Variants in GPC5 observed in about 807,000 individuals in gnomAD.
GPC5 encodes glypican 5.
A neutral mutation model predicts 53.9 loss-of-function variants in GPC5; 47 were observed. That is an observed-to-expected ratio of 0.87 (90% CI 0.69 to 1.11). The LOEUF (loss-of-function observed/expected upper bound fraction) is 1.11. Among genes scored for constraint, GPC5 ranks in the 50% most tolerant of loss-of-function variants. GPC5 has a pLI of 0.00. For synonymous variants in GPC5, 286 were observed against 263.3 expected (o/e 1.09, Z -0.84); for missense variants, 748 against 713.1 (o/e 1.05, Z -0.56).
chr13:91,918,187 C>T (rs554554543), intron 6 of GPC5, among the ~76,000 whole-genome samples: 2 of 152,056 alleles, frequency 1.3e-5, no homozygotes, highest in South Asian at 2.1e-4. Context: ...CTTTTAATGC[C>T]ATCAGACCCA....
chr13:92,754,843 AC>A (rs1874785315), intron 7 of GPC5, among the ~76,000 whole-genome samples: 1 of 144,148 alleles, frequency 6.9e-6, no homozygotes, highest in African/African-American at 2.6e-5. Flanking sequence ...GTCCAGAGTG[AC>A]CTACAAAGAG....
At chr13:92,064,768 A>AAAAAAAAAAAAAAAAAAAAAG (rs71113789) in intron 6 of GPC5, among the ~76,000 whole-genome samples, 5 of 145,292 alleles carry the variant, frequency 3.4e-5, no homozygotes, top group African/African-American at 1.3e-4. Context: ...AAAAAAAAAA[A>AAAAAAAAAAAAAAAAAAAAAG]CAAAACAAAA....
At chr13:91,571,738 T>A (rs1314512791) in intron 2 of GPC5, among the ~76,000 whole-genome samples, 2 of 148,050 alleles carry the variant, frequency 1.4e-5, no homozygotes, top group East Asian at 4.0e-4. Context: ...TATATATATA[T>A]GTATATATAC....
intron 5 of GPC5, among the ~76,000 whole-genome samples, chr13:91,846,412 C>A (rs1170874493): frequency 6.6e-6 from 1 of 152,004 alleles, no homozygotes; most frequent in East Asian, 1.9e-4. Context: ...TTTTATTGAA[C>A]TTTTTATTCT....
chr13:91,775,124 C>T (rs923513904), intron 5 of GPC5, among the ~76,000 whole-genome samples: 4 of 152,122 alleles, frequency 2.6e-5, no homozygotes, highest in African/African-American at 7.2e-5. Context: ...TAAAGATTGT[C>T]AGGAGATGGG....
intron 7 of GPC5, among the ~76,000 whole-genome samples, chr13:92,494,259 T>G (rs1424956851): frequency 6.6e-6 from 1 of 152,172 alleles, no homozygotes; most frequent in Non-Finnish European, 1.5e-5. Flanking sequence ...CCGGCTAATT[T>G]TTTGTATCTT....
intron 7 of GPC5, among the ~76,000 whole-genome samples, chr13:92,554,300 A>C (rs997475103): frequency 1.3e-5 from 2 of 151,962 alleles, no homozygotes; most frequent in Non-Finnish European, 2.9e-5. Context: ...CTTTTCATTC[A>C]GTGAAATTTT....
At chr13:91,437,734 G>A (rs528295509) in intron 1 of GPC5, among the ~76,000 whole-genome samples, 1 of 152,272 alleles carries the variant, frequency 6.6e-6, no homozygotes, top group Non-Finnish European at 1.5e-5. Context: ...AGTTCTCCTG[G>A]ATAATATCCT....
At chr13:92,036,929 A>C (rs2040897763) in intron 6 of GPC5, among the ~76,000 whole-genome samples, 1 of 152,182 alleles carries the variant, frequency 6.6e-6, no homozygotes, top group Admixed American at 6.5e-5. Context: ...CCAACTTAAA[A>C]TACTATAGTA....
rs533188020 is a variant in GPC5 at position 92,174,337 on chromosome 13, C to T, written c.1561+29348C>T. On this transcript the variant is annotated intron_variant, in intron 7 of 7. Coordinates refer to ENST00000377067, the MANE Select transcript of GPC5 (RefSeq NM_004466.6). ...GAAATTGAGACCATCCTGGCTAACA[C>T]GGTGAAACCCTGTCTCTACTAAAAA... Among the ~76,000 whole-genome samples, 488 of 146,972 alleles carry T rather than the reference C, an allele frequency of 3.3e-3. 1 individual carries two copies. The highest frequency in any genetic ancestry group is 9.0e-3 in the South Asian group (41 of 4,570).
chr13:92,317,067 C>A (rs1006253871), intron 7 of GPC5, among the ~76,000 whole-genome samples: 4 of 152,094 alleles, frequency 2.6e-5, no homozygotes, highest in African/African-American at 4.8e-5. Context: ...TTCATAAATT[C>A]TCATATTTCT....
At chr13:91,730,693 C>A (rs554412317) in intron 4 of GPC5, among the ~76,000 whole-genome samples, 24 of 152,302 alleles carry the variant, frequency 1.6e-4, no homozygotes, top group Non-Finnish European at 3.2e-4. Flanking sequence ...GAGTAAGCAA[C>A]AGAGCCTTTT....
chr13:92,654,020 C>G, intron 7 of GPC5, among the ~76,000 whole-genome samples: 1 of 152,206 alleles, frequency 6.6e-6, no homozygotes, highest in Non-Finnish European at 1.5e-5. Flanking sequence ...CACTATCCCC[C>G]ACAAATAGAA....
intron 7 of GPC5, among the ~76,000 whole-genome samples, chr13:92,331,985 C>A (rs2043291161): frequency 1.3e-5 from 2 of 152,084 alleles, no homozygotes; most frequent in Admixed American, 1.3e-4. Context: ...CAGTTTTCAA[C>A]AATACAGAAG....
At chr13:92,668,746 A>G (rs544099583) in intron 7 of GPC5, among the ~76,000 whole-genome samples, 25 of 152,230 alleles carry the variant, frequency 1.6e-4, no homozygotes, top group African/African-American at 5.5e-4. Flanking sequence ...TTAACCTTAT[A>G]TAGTTGTATT....
At chr13:91,741,648 G>A (rs2036936756) in intron 4 of GPC5, among the ~76,000 whole-genome samples, 1 of 152,224 alleles carries the variant, frequency 6.6e-6, no homozygotes, top group East Asian at 1.9e-4. Flanking sequence ...AGAGCTTATA[G>A]TTACATAGTC....
chr13:92,827,652 C>A (rs1877898573), intron 7 of GPC5, among the ~76,000 whole-genome samples: 1 of 152,120 alleles, frequency 6.6e-6, no homozygotes, highest in African/African-American at 2.4e-5. Context: ...GCTGAGACAG[C>A]AGGCACAGCT....
At chr13:92,742,889 T>G (rs1252754401) in intron 7 of GPC5, among the ~76,000 whole-genome samples, 1 of 152,134 alleles carries the variant, frequency 6.6e-6, no homozygotes, top group Non-Finnish European at 1.5e-5. Context: ...ATCAGATAGT[T>G]GTAGATGTAT....
At chr13:91,801,167 T>C (rs13378992) in intron 5 of GPC5, among the ~76,000 whole-genome samples, 92 of 152,208 alleles carry the variant, frequency 6.0e-4, no homozygotes, top group African/African-American at 2.1e-3. Context: ...AAAGCATTTG[T>C]TTAATCTCAT....
Sources: allele counts gnomAD v4.1 joint callset (sites outside exome capture counted in the v4.1 genomes callset), GRCh38; gene constraint gnomAD v4.1.1; transcripts MANE v1.5; gene names NCBI Gene and HGNC (gene_info 2026-07-23, HGNC 2026-07-21).